GRK3: variants seen among roughly 807,000 people sequenced by gnomAD.
GRK3 encodes G protein-coupled receptor kinase 3.
A neutral mutation model predicts 95.7 loss-of-function variants in GRK3; 54 were observed. The ratio of observed to expected loss-of-function variants is 0.56; its 90% confidence interval spans 0.45 to 0.71. GRK3 has a LOEUF of 0.71. Ranked by LOEUF, GRK3 falls within the 30% of genes least tolerant of loss-of-function variation. The pLI, the probability that GRK3 is intolerant of heterozygous loss-of-function variation, is 0.00. For missense variants in GRK3, 649 were observed against 851.2 expected, an observed-to-expected ratio of 0.76 and a Z score of 2.96; for synonymous variants, 281 against 290.8, an observed-to-expected ratio of 0.97 and a Z score of 0.34.
chr22:25,716,487 G>T (rs2085386170), intron 18 of GRK3, among the ~76,000 whole-genome samples: 1 of 152,294 alleles, frequency 6.6e-6, no homozygotes, highest in South Asian at 2.1e-4. Flanking sequence ...AGTTAGAGCT[G>T]TAATTAGAAA....
intron 1 of GRK3, among the ~76,000 whole-genome samples, chr22:25,603,717 T>G (rs1371565406): frequency 6.6e-6 from 1 of 152,208 alleles, no homozygotes; most frequent in Non-Finnish European, 1.5e-5. Flanking sequence ...ACTTTTACAG[T>G]ATTAAATTTC....
intron 1 of GRK3, among the ~76,000 whole-genome samples, chr22:25,594,393 C>T (rs1285480093): frequency 1.3e-5 from 2 of 152,072 alleles, no homozygotes; most frequent in African/African-American, 4.8e-5. Flanking sequence ...GGCAAAGACA[C>T]AGTGAAAAAA....
chr22:25,635,048 G>A (rs2084690092), intron 2 of GRK3, among the ~76,000 whole-genome samples: 1 of 152,196 alleles, frequency 6.6e-6, no homozygotes, highest in Non-Finnish European at 1.5e-5. Flanking sequence ...CCCGCGGGCT[G>A]CATGCAGACC....
intron 18 of GRK3, among the ~76,000 whole-genome samples, chr22:25,716,029 CAG>C (rs1043934128): frequency 6.6e-6 from 1 of 152,168 alleles, no homozygotes; most frequent in Non-Finnish European, 1.5e-5. Context: ...CACTGTCACC[CAG>C]GTTGGAGTGC....
In GRK3 at chr22:25,711,100, A is replaced by G. The variant is rs147019147; in HGVS notation, c.1428A>G (p.Glu476=). Reference sequence around the variant, plus strand: ...CACCCTTGATTCCTCCCCGGGGAGAAGTCAATGCTGCTGATGCCTTTGATA... The same window carrying G: ...CACCCTTGATTCCTCCCCGGGGAGAGGTCAATGCTGCTGATGCCTTTGATA... ...YPPPLIPPRG[E]VNAADAFDIG... is the part of the protein sequence containing the mutation. Residue 476 remains glutamate (E), a synonymous_variant, in exon 17 of 21, where the codon GAA becomes GAG. Coordinates refer to ENST00000324198, the MANE Select transcript of GRK3 (RefSeq NM_005160.4). 38 of 1,613,846 alleles carry G rather than the reference A, an allele frequency of 2.4e-5. No homozygotes were observed. Among genetic ancestry groups the G allele is most frequent in the Admixed American group, 2.2e-4 (13 of 59,896 alleles).
At chr22:25,598,421 C>G (rs1168636907) in intron 1 of GRK3, among the ~76,000 whole-genome samples, 3 of 152,004 alleles carry the variant, frequency 2.0e-5, no homozygotes, top group Non-Finnish European at 1.5e-5. Context: ...GCCTGTATCC[C>G]AGCACTTTGG....
At chr22:25,717,995 C>T (rs897506410) in intron 18 of GRK3, among the ~76,000 whole-genome samples, 5 of 152,156 alleles carry the variant, frequency 3.3e-5, no homozygotes, top group Non-Finnish European at 7.4e-5. Flanking sequence ...AATAAATGAA[C>T]ATCATGGATT....
intron 20 of GRK3, 95 bp from the exon 21 acceptor site, chr22:25,722,194 G>C: frequency 7.0e-7 from 1 of 1,429,968 alleles, no homozygotes; most frequent in Non-Finnish European, 9.7e-7. Flanking sequence ...CTTCCTTCAG[G>C]GGTTCCAGGG....
At position 25,607,936 on chromosome 22, in the gene GRK3, A is replaced by T. The variant is rs2084465051; in HGVS notation, c.190+3483A>T. Reference sequence around the variant, plus strand: ...TTTCCTACATTTCCTGTAAACTGAGACTTTGCTCTAACAGCTTAATGAGGT... The same window carrying T: ...TTTCCTACATTTCCTGTAAACTGAGTCTTTGCTCTAACAGCTTAATGAGGT... On this transcript the variant is annotated intron_variant, in intron 2 of 20. Coordinates refer to ENST00000324198, the MANE Select transcript of GRK3 (RefSeq NM_005160.4). Among the ~76,000 whole-genome samples the T allele has an allele frequency of 2.0e-5, 3 of 152,174 alleles. No homozygotes were observed. In the South Asian group the frequency reaches 6.2e-4, roughly 32 times the overall value.
chr22:25,678,807 T>C lies in GRK3; in HGVS notation c.648-9T>C. 1 of 1,501,064 alleles carries C rather than the reference T, an allele frequency of 6.7e-7. No individual in the cohort carries two copies. 93.0% of individuals were successfully genotyped at this position (1,501,064 alleles called of 1,614,324 possible). ...CGGCATAGATTTTTCAATAAATTTA[T>C]GTTTCTAGGTATGCAATGAAATGCT... On this transcript the variant is annotated splice_polypyrimidine_tract_variant and intron_variant, in intron 8 of 20. Coordinates refer to ENST00000324198, the MANE Select transcript of GRK3 (RefSeq NM_005160.4).
At chr22:25,589,314 G>A (rs1932419308) in intron 1 of GRK3, among the ~76,000 whole-genome samples, 3 of 152,172 alleles carry the variant, frequency 2.0e-5, no homozygotes, top group African/African-American at 4.8e-5. Flanking sequence ...AGGTGTTGAC[G>A]TACAACCTAG....
chr22:25,610,821 G>A (rs1180866528), intron 2 of GRK3, among the ~76,000 whole-genome samples: 2 of 151,964 alleles, frequency 1.3e-5, no homozygotes, highest in Non-Finnish European at 2.9e-5. Flanking sequence ...ATTCCTTTTT[G>A]TTGCTAAATA....
chr22:25,644,015 A>C (rs2084761946), intron 2 of GRK3, among the ~76,000 whole-genome samples: 1 of 152,168 alleles, frequency 6.6e-6, no homozygotes. Flanking sequence ...GTAAAGCATG[A>C]CCTGGGAATG....
At chr22:25,595,874 G>C (rs778709972) in intron 1 of GRK3, among the ~76,000 whole-genome samples, 2 of 152,166 alleles carry the variant, frequency 1.3e-5, no homozygotes, top group Non-Finnish European at 2.9e-5. Flanking sequence ...TTGAGCTCAG[G>C]AGTTTGAGGC....
At chr22:25,573,022 T>G (rs938485776) in intron 1 of GRK3, among the ~76,000 whole-genome samples, 1 of 152,218 alleles carries the variant, frequency 6.6e-6, no homozygotes, top group Non-Finnish European at 1.5e-5. Flanking sequence ...CTCTCTTGTA[T>G]TACCTTCTGT....
At chr22:25,568,287 G>A (rs867279960) in intron 1 of GRK3, among the ~76,000 whole-genome samples, 8 of 152,200 alleles carry the variant, frequency 5.3e-5, no homozygotes, top group Middle Eastern at 3.4e-3. Flanking sequence ...GACTTTTACT[G>A]TAGGCTGTAT....
In GRK3 at chr22:25,727,710, G is replaced by A. The variant is rs2085485663; in HGVS notation, c.*5260G>A. ...ATCTCAGAATCATCTCTGAAAACTGGTAACTATGCTTCCATTTTTAATTTT... is the reference window on the plus strand; with the variant it reads ...ATCTCAGAATCATCTCTGAAAACTGATAACTATGCTTCCATTTTTAATTTT... On this transcript the variant is annotated 3_prime_UTR_variant, in exon 21 of 21. Coordinates refer to ENST00000324198, the MANE Select transcript of GRK3 (RefSeq NM_005160.4). The A allele has an allele frequency of 6.6e-6, 1 of 152,152 alleles. No homozygotes were observed. Among genetic ancestry groups the A allele is most frequent in the South Asian group, 2.1e-4 (1 of 4,828 alleles). 9.4% of individuals were successfully genotyped at this position (152,152 alleles called of 1,614,324 possible).
chr22:25,675,443 T>G (rs2146418246), intron 8 of GRK3, among the ~76,000 whole-genome samples: 1 of 152,246 alleles, frequency 6.6e-6, no homozygotes, highest in South Asian at 2.1e-4. Context: ...GTGGAATTCT[T>G]AAGTGTGGGG....
At chr22:25,686,074 T>C (rs2085111008) in intron 10 of GRK3, among the ~76,000 whole-genome samples, 1 of 151,544 alleles carries the variant, frequency 6.6e-6, no homozygotes, top group South Asian at 2.1e-4. Flanking sequence ...ACAAAAAAAT[T>C]AGCCGGGGGT....
Sources: allele counts gnomAD v4.1 joint callset (sites outside exome capture counted in the v4.1 genomes callset), GRCh38; gene constraint gnomAD v4.1.1; transcripts MANE v1.5; gene names NCBI Gene and HGNC (gene_info 2026-07-23, HGNC 2026-07-21).